LMCD1: variants seen among roughly 807,000 people sequenced by gnomAD.
LMCD1 encodes LIM and cysteine-rich domains protein 1.
Under a neutral mutation model 42.7 loss-of-function variants are expected in LMCD1, and 32 were observed. That is an observed-to-expected ratio of 0.75 (90% CI 0.57 to 1.01). The LOEUF (loss-of-function observed/expected upper bound fraction) is 1.01, where lower values mean the gene tolerates loss of function less well. Ranked by LOEUF, LMCD1 falls within the 50% of genes least tolerant of loss-of-function variation. The pLI, the probability that LMCD1 is intolerant of heterozygous loss-of-function variation, is 0.00. For missense variants in LMCD1, 458 were observed against 483.1 expected, an observed-to-expected ratio of 0.95 and a Z score of 0.49; for synonymous variants, 178 against 184.9, an observed-to-expected ratio of 0.96 and a Z score of 0.30.
chr3:8,533,570 G>A (rs914540033), intron 2 of LMCD1, among the ~76,000 whole-genome samples: 2 of 152,294 alleles, frequency 1.3e-5, no homozygotes, highest in African/African-American at 4.8e-5. Context: ...GTTGCCTTGA[G>A]CGCTCAGTGG....
chr3:8,547,179 C>G (rs1043465547), intron 3 of LMCD1, among the ~76,000 whole-genome samples: 5 of 152,094 alleles, frequency 3.3e-5, no homozygotes, highest in African/African-American at 1.2e-4. Flanking sequence ...GCTACTTAAC[C>G]AACAGATAGA....
intron 4 of LMCD1, among the ~76,000 whole-genome samples, chr3:8,553,546 A>G (rs1215568851): frequency 2.0e-5 from 3 of 152,164 alleles, no homozygotes; most frequent in African/African-American, 7.2e-5. Flanking sequence ...ACAGATCTGA[A>G]CACAGTGAGC....
chr3:8,567,317 G>T lies in LMCD1; in HGVS notation c.940-123G>T, dbSNP rs542391045. ...ATTTATGCCAGATTTTTCCACTAAG[G>T]CTTTAAAAGGTCAAAACAAGAATAG... On this transcript the variant is annotated intron_variant, in intron 5 of 5. Coordinates refer to ENST00000157600, the MANE Select transcript of LMCD1 (RefSeq NM_014583.4). The T allele has an allele frequency of 1.0e-3, 1,003 of 978,558 alleles. 2 individuals are homozygous for T. The highest frequency in any genetic ancestry group is 1.4e-3 in the Non-Finnish European group (918 of 672,496). 60.6% of individuals were successfully genotyped at this position (978,558 alleles called of 1,614,324 possible).
chr3:8,509,216 T>G lies in LMCD1; in HGVS notation c.42+7236T>G, dbSNP rs375575527. ...AAAAATCCCATAGGTTATTAAGTATTGGGATGTGGAAGACCAAATTCAGTT... is the reference window on the plus strand; with the variant it reads ...AAAAATCCCATAGGTTATTAAGTATGGGGATGTGGAAGACCAAATTCAGTT... On this transcript the variant is annotated intron_variant, in intron 1 of 5. Coordinates refer to ENST00000157600, the MANE Select transcript of LMCD1 (RefSeq NM_014583.4). Among the ~76,000 whole-genome samples the G allele has an allele frequency of 5.3e-5, 8 of 152,336 alleles. No individual in the cohort carries two copies. The East Asian group carries it at 7.7e-4, about 15-fold the overall frequency.
chr3:8,518,157 C>T (rs1294690720), intron 1 of LMCD1, among the ~76,000 whole-genome samples: 1 of 152,138 alleles, frequency 6.6e-6, no homozygotes, highest in Non-Finnish European at 1.5e-5. Flanking sequence ...CCAACATGCA[C>T]AGAGCTCCCC....
intron 4 of LMCD1, among the ~76,000 whole-genome samples, chr3:8,552,557 G>GTCCTCGGGTGATGCTGGTC (rs1694858734): frequency 6.6e-6 from 1 of 152,200 alleles, no homozygotes; most frequent in African/African-American, 2.4e-5. Flanking sequence ...TTGCTAACAA[G>GTCCTCGGGTGATGCTGGTC]TCCTCGGGTG....
chr3:8,535,351 T>C (rs941354046), intron 2 of LMCD1, among the ~76,000 whole-genome samples: 3 of 152,206 alleles, frequency 2.0e-5, no homozygotes, highest in Non-Finnish European at 2.9e-5. Flanking sequence ...AACCTTCTCA[T>C]TTATTCCCTG....
At chr3:8,502,303 TA>T (rs3066442) in intron 1 of LMCD1, among the ~76,000 whole-genome samples, 1 of 22,646 alleles carries the variant, frequency 4.4e-5, no homozygotes, top group South Asian at 8.3e-4. Context: ...ATATTATATA[TA>T]ATATATAAAA....
chr3:8,513,687 C>A (rs1032092941), intron 1 of LMCD1, among the ~76,000 whole-genome samples: 10 of 152,196 alleles, frequency 6.6e-5, no homozygotes, highest in Admixed American at 4.6e-4. Flanking sequence ...GAGGTAATAT[C>A]AAAAACTTTT....
chr3:8,525,208 C>G (rs1176783295), intron 1 of LMCD1, among the ~76,000 whole-genome samples: 2 of 152,184 alleles, frequency 1.3e-5, no homozygotes, highest in African/African-American at 4.8e-5. Flanking sequence ...TCTTAATCCT[C>G]AGCCTCTGGC....
At chr3:8,505,022 C>T (rs1693850127) in intron 1 of LMCD1, among the ~76,000 whole-genome samples, 1 of 152,202 alleles carries the variant, frequency 6.6e-6, no homozygotes, top group Non-Finnish European at 1.5e-5. Context: ...ACAGTAACAG[C>T]ATCTACCTCC....
chr3:8,567,638 C>T lies in LMCD1; in HGVS notation c.*40C>T, dbSNP rs538569379. 12 of 1,585,272 alleles carry T rather than the reference C, an allele frequency of 7.6e-6. No individual in the cohort carries two copies. The East Asian group carries it at 1.3e-4, about 18-fold the overall frequency. On this transcript the variant is annotated 3_prime_UTR_variant, in exon 6 of 6. Transcript: ENST00000157600. The stretch of plus-strand genomic sequence containing the variant: ...ACAGCCAGAATCCACAGGATCCCAC[C>T]GAGAAGGAGAGCCAGGTGTGCCGAG...
At chr3:8,562,153 A>G (rs951898608) in intron 4 of LMCD1, among the ~76,000 whole-genome samples, 6 of 152,176 alleles carry the variant, frequency 3.9e-5, no homozygotes, top group African/African-American at 9.7e-5. Context: ...GAGGAACAAC[A>G]TGAGTTGAGG....
intron 3 of LMCD1, among the ~76,000 whole-genome samples, chr3:8,545,956 G>A (rs9814240): frequency 0.34 from 52,196 of 151,966 alleles, 9,621 homozygotes; most frequent in Non-Finnish European, 0.42. Flanking sequence ...GCGAAACCCC[G>A]TCTCTACTAA....
At chr3:8,555,602 C>T (rs1694920851) in intron 4 of LMCD1, among the ~76,000 whole-genome samples, 1 of 151,474 alleles carries the variant, frequency 6.6e-6, no homozygotes, top group African/African-American at 2.4e-5. Flanking sequence ...AGTGGAGATA[C>T]TTTAGTGACT....
At chr3:8,506,673 C>G (rs148446190) in intron 1 of LMCD1, among the ~76,000 whole-genome samples, 2 of 152,326 alleles carry the variant, frequency 1.3e-5, no homozygotes, top group East Asian at 3.9e-4. Context: ...TGATAAGTAA[C>G]AGACCTTGAG....
At position 8,573,572 on chromosome 3, in the gene LMCD1, C is replaced by G. The variant is rs1695254248; in HGVS notation, c.*5974C>G. 6.6e-6 allele frequency: 1 copy of G among 152,180 alleles called. No homozygotes were observed. The highest frequency in any genetic ancestry group is 1.5e-5 in the Non-Finnish European group (1 of 68,028). 9.4% of individuals were successfully genotyped at this position (152,180 alleles called of 1,614,324 possible). On this transcript the variant is annotated 3_prime_UTR_variant, in exon 6 of 6. Transcript: ENST00000157600. ...TGGCATGGCTGTTGGTCATTCACAT[C>G]TCTCTCTGCCAAGAATGGGGATGAC...
Position 8,567,672 on chromosome 3 carries a change from A to G in LMCD1, c.*74A>G, listed in dbSNP as rs1007933330. The stretch of plus-strand genomic sequence containing the variant: ...GAGCCAGGTGTGCCGAGACCATCCT[A>G]AGGGTCCGATGTGACAGCAAGCAAG... On this transcript the variant is annotated 3_prime_UTR_variant, in exon 6 of 6. Transcript: ENST00000157600. 7.6e-5 allele frequency: 112 copies of G among 1,474,668 alleles called. No individual in the cohort carries two copies. Among genetic ancestry groups the G allele is most frequent in the Non-Finnish European group, 9.7e-5 (105 of 1,086,876 alleles). 91.3% of individuals were successfully genotyped at this position (1,474,668 alleles called of 1,614,324 possible).
At chr3:8,558,056 T>C (rs1003815921) in intron 4 of LMCD1, among the ~76,000 whole-genome samples, 7 of 152,286 alleles carry the variant, frequency 4.6e-5, no homozygotes, top group African/African-American at 1.7e-4. Context: ...CCAAGGTGTG[T>C]GTACTGAGAG....
Sources: gnomAD v4.1 joint callset for allele counts (sites outside exome capture counted in the v4.1 genomes callset) on GRCh38, gnomAD v4.1.1 for gene constraint, MANE v1.5 for transcripts, NCBI Gene and HGNC (gene_info 2026-07-23, HGNC 2026-07-21) for gene names.